Variants in RTN1 observed in about 807,000 individuals in gnomAD.
The protein encoded by RTN1 is reticulon-1.
RTN1 carries 25 observed loss-of-function variants against 65.5 expected under a neutral mutation model. That is an observed-to-expected ratio of 0.38 (90% CI 0.28 to 0.53). The LOEUF (loss-of-function observed/expected upper bound fraction) is 0.53, where lower values mean the gene tolerates loss of function less well. Ranked by LOEUF, RTN1 falls within the 20% of genes least tolerant of loss-of-function variation. The pLI, the probability that RTN1 is intolerant of heterozygous loss-of-function variation, is 0.79. For synonymous variants in RTN1, 471 were observed against 447.6 expected, an observed-to-expected ratio of 1.05 and a Z score of -0.66; for missense variants, 983 against 1,025.4, an observed-to-expected ratio of 0.96 and a Z score of 0.57.
chr14:59,683,184 A>G (rs2140223068), intron 3 of RTN1, among the ~76,000 whole-genome samples: 1 of 152,266 alleles, frequency 6.6e-6, no homozygotes, highest in South Asian at 2.1e-4. Context: ...TATATAGCTG[A>G]AAAATACGTT....
intron 3 of RTN1, 197 bp from the exon 4 acceptor site, chr14:59,607,689 C>A (rs988766949): frequency 3.4e-6 from 2 of 596,858 alleles, no homozygotes; most frequent in Non-Finnish European, 6.0e-6. Flanking sequence ...TCTTTTCCAC[C>A]CTTGAGGATA....
chr14:59,705,934 C>G (rs933512134), intron 3 of RTN1, among the ~76,000 whole-genome samples: 3 of 152,174 alleles, frequency 2.0e-5, no homozygotes, highest in Non-Finnish European at 4.4e-5. Context: ...TCTCCTGCCT[C>G]CCCGTTCACC....
chr14:59,854,073 T>C (rs1462821552), intron 1 of RTN1, among the ~76,000 whole-genome samples: 1 of 151,898 alleles, frequency 6.6e-6, no homozygotes, highest in Non-Finnish European at 1.5e-5. Context: ...CTATGTTGGC[T>C]GGTCTTGAAC....
intron 3 of RTN1, among the ~76,000 whole-genome samples, chr14:59,723,862 T>C (rs1437418105): frequency 1.3e-5 from 2 of 152,142 alleles, no homozygotes; most frequent in East Asian, 3.9e-4. Context: ...AGGGCAAAGA[T>C]ACCATGATTT....
chr14:59,635,226 C>G (rs1882638355), intron 3 of RTN1, among the ~76,000 whole-genome samples: 1 of 152,070 alleles, frequency 6.6e-6, no homozygotes, highest in African/African-American at 2.4e-5. Context: ...TTAATAGAAC[C>G]AGAATCTAAT....
chr14:59,639,289 G>T (rs1483177110), intron 3 of RTN1, among the ~76,000 whole-genome samples: 2 of 152,136 alleles, frequency 1.3e-5, no homozygotes, highest in Non-Finnish European at 2.9e-5. Context: ...AACTAGAAAA[G>T]AGTTTAAAAT....
At chr14:59,789,933 G>T (rs908587942) in intron 1 of RTN1, among the ~76,000 whole-genome samples, 1 of 151,856 alleles carries the variant, frequency 6.6e-6, no homozygotes, top group Non-Finnish European at 1.5e-5. Flanking sequence ...AATTTTACAT[G>T]GCTTTTATAG....
At chr14:59,770,378 C>CAAAA (rs774086177) in intron 1 of RTN1, among the ~76,000 whole-genome samples, 4 of 53,726 alleles carry the variant, frequency 7.4e-5, no homozygotes, top group Non-Finnish European at 1.0e-4. Context: ...AACTCTGCCT[C>CAAAA]AAAAAAAAAA....
intron 3 of RTN1, among the ~76,000 whole-genome samples, chr14:59,664,199 C>T (rs377380471): frequency 7.2e-5 from 11 of 152,040 alleles, no homozygotes; most frequent in African/African-American, 2.2e-4. Context: ...CCATCATTCT[C>T]GGCAAACTAA....
At chr14:59,751,837 C>T (rs1460105691) in intron 1 of RTN1, among the ~76,000 whole-genome samples, 1 of 152,212 alleles carries the variant, frequency 6.6e-6, no homozygotes, top group Non-Finnish European at 1.5e-5. Context: ...CTGGGCTCTG[C>T]ACTGCCTTGC....
chr14:59,607,376 C>T lies in RTN1; in HGVS notation c.1882G>A (p.Ala628Thr), dbSNP rs1480716865. ...FSVVSVVAYL[A>T]LAALSATISF... ...ATGGTGGCTGAGAGTGCGGCCAGGG[C>T]CAGGTAGGCCACGACGCTCACCACG... Residue 628 changes from alanine to threonine, a missense_variant, in exon 4 of 9, where the codon GCC (alanine) becomes ACC (threonine). By Grantham distance (58) the Ala-to-Thr change is moderately conservative (BLOSUM62 0). This residue lies in a region of RTN1 where 165 missense variants were observed against 223.6 expected (regional missense o/e 0.74). Coordinates refer to ENST00000267484, the MANE Select transcript of RTN1 (RefSeq NM_021136.3). The T allele has an allele frequency of 6.2e-7, 1 of 1,613,372 alleles. No homozygotes were observed.
At position 59,727,757 on chromosome 14, in the gene RTN1, A is replaced by G. The variant is rs1884812193; in HGVS notation, c.1016-89T>C. On this transcript the variant is annotated intron_variant, in intron 2 of 8. Coordinates refer to ENST00000267484, the MANE Select transcript of RTN1 (RefSeq NM_021136.3). This position sits in a 1 kb window ranked among gnomAD's most constrained non-coding sequence, Gnocchi z 4.2. ...GAGAGGAGGGATAAAACAAAATTCC[A>G]TTAGGCGAGATGTTTTGTCGTTGCT... 7 of 1,453,832 alleles carry G rather than the reference A, an allele frequency of 4.8e-6. No individual in the cohort carries two copies. Among genetic ancestry groups the G allele is most frequent in the Non-Finnish European group, 6.4e-6 (7 of 1,101,332 alleles). The allele number at this position is 1,453,832 out of a possible 1,614,324, so 90.1% of individuals were successfully genotyped here. A position where few individuals can be genotyped will look rare whatever the true frequency, so the allele number is the denominator to read the frequency against.
chr14:59,786,830 G>T (rs907559824), intron 1 of RTN1, among the ~76,000 whole-genome samples: 1 of 152,148 alleles, frequency 6.6e-6, no homozygotes, highest in Non-Finnish European at 1.5e-5. Context: ...ATATTGGCTT[G>T]CCTGGGACTG....
chr14:59,682,659 C>T (rs904653472), intron 3 of RTN1, among the ~76,000 whole-genome samples: 7 of 152,152 alleles, frequency 4.6e-5, no homozygotes, highest in Non-Finnish European at 8.8e-5. Flanking sequence ...TAATGTTTCA[C>T]ACTTCATAAA....
chr14:59,623,139 C>T (rs73307699), intron 3 of RTN1, among the ~76,000 whole-genome samples: 5,116 of 152,298 alleles, frequency 0.034, 191 homozygotes, highest in African/African-American at 0.089. Context: ...TTTTCTTCCA[C>T]GAGAGACAAA....
chr14:59,635,635 T>C (rs1478120638), intron 3 of RTN1, among the ~76,000 whole-genome samples: 1 of 152,136 alleles, frequency 6.6e-6, no homozygotes, highest in Non-Finnish European at 1.5e-5. Flanking sequence ...GTATTAAATA[T>C]TTGTCAGCGG....
intron 1 of RTN1, among the ~76,000 whole-genome samples, chr14:59,806,316 C>T (rs1185053579): frequency 6.6e-6 from 1 of 151,642 alleles, no homozygotes; most frequent in Admixed American, 6.6e-5. Context: ...AATTATATTT[C>T]TTTTGCTTCT....
chr14:59,750,359 C>CTATAATATAT (rs1566713697), intron 1 of RTN1, among the ~76,000 whole-genome samples: 738 of 6,146 alleles, frequency 0.12, 61 homozygotes, highest in African/African-American at 0.27. Context: ...TATATTATAT[C>CTATAATATAT]TATATATTAT....
chr14:59,868,726 C>G lies in RTN1; in HGVS notation c.241+1664G>C, dbSNP rs1887839134. 6.6e-6 allele frequency among the ~76,000 whole-genome samples: 1 copy of G among 152,122 alleles called. No individual in the cohort carries two copies. Among genetic ancestry groups the G allele is most frequent in the Non-Finnish European group, 1.5e-5 (1 of 68,024 alleles). ...GCATGGGGCACTTAGCTTCCTTTTTCTAGTTCACATAATCTTAGTGGCACT... is the reference window on the plus strand; with the variant it reads ...GCATGGGGCACTTAGCTTCCTTTTTGTAGTTCACATAATCTTAGTGGCACT... On this transcript the variant is annotated intron_variant, in intron 1 of 8. Coordinates refer to ENST00000267484, the MANE Select transcript of RTN1 (RefSeq NM_021136.3). The surrounding 1 kb of genome is among the most constrained non-coding windows in gnomAD (Gnocchi z 4.0).
Sources: allele counts gnomAD v4.1 joint callset (sites outside exome capture counted in the v4.1 genomes callset), GRCh38; gene constraint gnomAD v4.1.1; regional missense constraint gnomAD v4.1.1; non-coding constraint Gnocchi (gnomAD v3.1); transcripts MANE v1.5; gene names NCBI Gene and HGNC (gene_info 2026-07-23, HGNC 2026-07-21).